FAM83F: variants seen among roughly 807,000 people sequenced by gnomAD.
The protein encoded by FAM83F is scaffolding CK1 anchoring protein F.
In FAM83F, 45 loss-of-function variants were observed where a neutral mutation model predicts 42.9. The ratio of observed to expected loss-of-function variants is 1.05; its 90% confidence interval spans 0.83 to 1.35. The LOEUF (loss-of-function observed/expected upper bound fraction) is 1.35. FAM83F is among the 40% of genes most tolerant of loss of function. FAM83F has a pLI of 0.00. For missense variants in FAM83F, 617 were observed against 695.9 expected, an observed-to-expected ratio of 0.89 and a Z score of 1.28; for synonymous variants, 306 against 298.3, an observed-to-expected ratio of 1.03 and a Z score of -0.27.
intron 4 of FAM83F, among the ~76,000 whole-genome samples, chr22:40,022,172 C>T (rs1015411634): frequency 6.6e-6 from 1 of 152,352 alleles, no homozygotes; most frequent in South Asian, 2.1e-4. Context: ...GCAAGTCCTG[C>T]AGCTCTGAGT....
chr22:40,026,334 C>T (rs921823023), intron 4 of FAM83F, among the ~76,000 whole-genome samples: 8 of 152,136 alleles, frequency 5.3e-5, no homozygotes, highest in African/African-American at 1.9e-4. Flanking sequence ...TCCTGGCTAA[C>T]ACGGTGAAAT....
At chr22:40,013,237 T>C (rs1247845236) in intron 1 of FAM83F, among the ~76,000 whole-genome samples, 1 of 152,216 alleles carries the variant, frequency 6.6e-6, no homozygotes, top group Non-Finnish European at 1.5e-5. Flanking sequence ...TTATTAGTTA[T>C]ATCTTTCACA....
chr22:40,008,245 G>A (rs1241454040), intron 1 of FAM83F, among the ~76,000 whole-genome samples: 1 of 152,248 alleles, frequency 6.6e-6, no homozygotes, highest in Non-Finnish European at 1.5e-5. Context: ...TGATGTCTGT[G>A]CCGCGGGAGG....
At chr22:40,010,727 TG>T (rs1320270455) in intron 1 of FAM83F, among the ~76,000 whole-genome samples, 1 of 152,208 alleles carries the variant, frequency 6.6e-6, no homozygotes, top group Non-Finnish European at 1.5e-5. Context: ...TGTTCAGAAA[TG>T]AGAGGACAGT....
chr22:40,013,025 G>T (rs2067474794), intron 1 of FAM83F, among the ~76,000 whole-genome samples: 1 of 140,212 alleles, frequency 7.1e-6, no homozygotes, highest in South Asian at 2.4e-4. Context: ...TGAGCTTGCA[G>T]TGAGCTCAGA....
intron 1 of FAM83F, among the ~76,000 whole-genome samples, chr22:40,018,752 C>G (rs1051834991): frequency 2.6e-5 from 4 of 152,114 alleles, no homozygotes; most frequent in African/African-American, 9.7e-5. Context: ...CTACCATGCC[C>G]AGCCCATTTT....
intron 4 of FAM83F, among the ~76,000 whole-genome samples, chr22:40,022,695 A>C (rs2067529606): frequency 6.6e-6 from 1 of 152,182 alleles, no homozygotes; most frequent in African/African-American, 2.4e-5. Context: ...GTGGCCTTTC[A>C]GGTGGCTGGT....
In FAM83F at chr22:40,036,969, T is replaced by C. The variant is rs2067628334; in HGVS notation, c.*7404T>C. On this transcript the variant is annotated 3_prime_UTR_variant, in exon 5 of 5. Coordinates refer to ENST00000333407, the MANE Select transcript of FAM83F (RefSeq NM_138435.4). ...TACTGTCATAGCACTGAGGCACCCC[T>C]AGACAGTACAGAAACAAGCAGGTGT... The C allele has an allele frequency of 6.6e-6, 1 of 152,236 alleles. No homozygotes were observed. Among genetic ancestry groups the C allele is most frequent in the Non-Finnish European group, 1.5e-5 (1 of 68,058 alleles). The allele number at this position is 152,236 out of a possible 1,614,324, so 9.4% of individuals were successfully genotyped here.
rs1239179193 is a variant in FAM83F, at chr22:40,039,589, CATCTT to C, written c.*10026_*10030del. 1 of 152,210 alleles carries C rather than the reference CATCTT, an allele frequency of 6.6e-6. No homozygotes were observed. Among genetic ancestry groups the C allele is most frequent in the South Asian group, 2.1e-4 (1 of 4,824 alleles). The allele number at this position is 152,210 out of a possible 1,614,324, so 9.4% of individuals were successfully genotyped here. A position where few individuals can be genotyped will look rare whatever the true frequency, so the allele number is the denominator to read the frequency against. On this transcript the variant is annotated 3_prime_UTR_variant, in exon 5 of 5. Coordinates refer to ENST00000333407, the MANE Select transcript of FAM83F (RefSeq NM_138435.4). ...GGTGGAGATGGAGAGATAGAATTCT[CATCTT>C]AGAGGTGAAAGTAGGATAATGACCC...
intron 4 of FAM83F, 24 bp from the exon 5 acceptor site, chr22:40,029,492 C>T (rs760009569): frequency 3.7e-6 from 6 of 1,605,788 alleles, no homozygotes; most frequent in Non-Finnish European, 3.4e-6. Flanking sequence ...CATCCTTCCC[C>T]GCCTCTGTCC....
At chr22:40,006,704 G>A (rs764245951) in intron 1 of FAM83F, among the ~76,000 whole-genome samples, 67 of 152,206 alleles carry the variant, frequency 4.4e-4, no homozygotes, top group Non-Finnish European at 8.7e-4. Context: ...TGGGTTGGAC[G>A]CACATGAAGG....
rs1487018728 is a variant in FAM83F, at chr22:40,034,434, C to A, written c.*4869C>A. Reference sequence around the variant, plus strand: ...GGGGCTAAGTAACCATGAGATCAGCCCAGAGACCTTGCACAGTTAGGCAGG... The same window carrying A: ...GGGGCTAAGTAACCATGAGATCAGCACAGAGACCTTGCACAGTTAGGCAGG... On this transcript the variant is annotated 3_prime_UTR_variant, in exon 5 of 5. Coordinates refer to ENST00000333407, the MANE Select transcript of FAM83F (RefSeq NM_138435.4). 6.6e-6 allele frequency: 1 copy of A among 152,286 alleles called. No homozygotes were observed. The highest frequency in any genetic ancestry group is 1.5e-5 in the Non-Finnish European group (1 of 68,096). 9.4% of individuals were successfully genotyped at this position (152,286 alleles called of 1,614,324 possible). A position where few individuals can be genotyped will look rare whatever the true frequency, so the allele number is the denominator to read the frequency against.
rs147178151 is a variant in FAM83F, at chr22:40,021,923, G to A, written c.1413G>A (p.Thr471=). ...AGACCTCTGAAGTGGAGTTTCTGAC[G>A]GGGAAGAGGCCCAACGAGAATTCCA... is the stretch of plus-strand genomic sequence containing the variant. ...STETSEVEFL[T]GKRPNENSSA... is the part of the protein sequence containing the mutation. Residue 471 remains threonine, a synonymous_variant, in exon 4 of 5, where the codon ACG becomes ACA. Transcript: ENST00000333407. The surrounding 1 kb of genome is among the most constrained non-coding windows in gnomAD (Gnocchi z 8.7). The A allele has an allele frequency of 8.4e-4, 1,331 of 1,581,590 alleles. No individual in the cohort carries two copies. The highest frequency in any genetic ancestry group is 1.0e-3 in the Non-Finnish European group (1,208 of 1,162,570).
chr22:40,021,964 G>A lies in FAM83F; in HGVS notation c.1453+1G>A. 1 of 1,545,136 alleles carries A rather than the reference G, an allele frequency of 6.5e-7. No homozygotes were observed. The highest frequency in any genetic ancestry group is 8.7e-7 in the Non-Finnish European group (1 of 1,145,820). ...GAGAATTCCAGTGCTGACATCTCAG[G>A]TGAGCCCTCTTCCCTCTGGCCTGGT... is the stretch of plus-strand genomic sequence containing the variant. On this transcript the variant is annotated splice_donor_variant, in intron 4 of 4. Coordinates refer to ENST00000333407, the MANE Select transcript of FAM83F (RefSeq NM_138435.4). LOFTEE classifies it high-confidence loss of function. This position sits in a 1 kb window ranked among gnomAD's most constrained non-coding sequence, Gnocchi z 8.7.
At chr22:40,005,557 G>T (rs1218444090) in intron 1 of FAM83F, among the ~76,000 whole-genome samples, 6 of 152,240 alleles carry the variant, frequency 3.9e-5, no homozygotes. Context: ...GCTCACATGG[G>T]TGCCATCTGT....
At chr22:40,026,394 C>T (rs1402698868) in intron 4 of FAM83F, among the ~76,000 whole-genome samples, 3 of 152,152 alleles carry the variant, frequency 2.0e-5, no homozygotes, top group Non-Finnish European at 4.4e-5. Context: ...GTGGCACTTG[C>T]CTGTAGTCCC....
chr22:40,005,096 A>G (rs1009535005), intron 1 of FAM83F, among the ~76,000 whole-genome samples: 6 of 152,194 alleles, frequency 3.9e-5, no homozygotes, highest in African/African-American at 1.4e-4. Context: ...CCCAGGTAAC[A>G]TCATCTGGCA....
intron 1 of FAM83F, among the ~76,000 whole-genome samples, chr22:40,002,884 C>T (rs950868358): frequency 2.6e-4 from 40 of 152,174 alleles, no homozygotes; most frequent in African/African-American, 9.7e-4. Flanking sequence ...TAATCCAACC[C>T]TCAGCACCTT....
At chr22:40,011,953 A>T (rs1251545856) in intron 1 of FAM83F, among the ~76,000 whole-genome samples, 1 of 152,184 alleles carries the variant, frequency 6.6e-6, no homozygotes, top group Non-Finnish European at 1.5e-5. Flanking sequence ...CTGTTGCTCT[A>T]CAGAATAGCT....
Sources: allele counts gnomAD v4.1 joint callset (sites outside exome capture counted in the v4.1 genomes callset), GRCh38; gene constraint gnomAD v4.1.1; non-coding constraint Gnocchi (gnomAD v3.1); transcripts MANE v1.5; gene names NCBI Gene and HGNC (gene_info 2026-07-23, HGNC 2026-07-21).